Variants in ATP11C observed in about 807,000 individuals in gnomAD.
ATP11C encodes the protein phospholipid-transporting ATPase IG.
A neutral mutation model predicts 97.4 loss-of-function variants in ATP11C; 36 were observed. The observed-to-expected ratio is 0.37, with a 90% CI of 0.28 to 0.49. The LOEUF (loss-of-function observed/expected upper bound fraction) is 0.49, where lower values mean the gene tolerates loss of function less well. Ranked by LOEUF, ATP11C falls within the 20% of genes least tolerant of loss-of-function variation. The pLI is 0.98. For missense variants in ATP11C, 730 were observed against 824.6 expected (o/e 0.89, Z 1.40); for synonymous variants, 275 against 290.9 (o/e 0.95, Z 0.56).
At chrX:139,775,209 A>G (rs2082326166) in intron 18 of ATP11C, among the ~76,000 whole-genome samples, 1 of 112,173 alleles carries the variant, frequency 8.9e-6, no homozygotes, top group Admixed American at 9.4e-5. Context: ...CCAATGGCAG[A>G]ATTGAGTATC....
At chrX:139,854,836 CATT>C (rs2084064262) in intron 1 of ATP11C, among the ~76,000 whole-genome samples, 1 of 111,877 alleles carries the variant, frequency 8.9e-6, no homozygotes, top group Admixed American at 9.5e-5. Flanking sequence ...AGTTTTAAAA[CATT>C]AATTGTAAAG....
At chrX:139,811,914 G>A (rs1007772831) in intron 5 of ATP11C, among the ~76,000 whole-genome samples, 1 of 111,290 alleles carries the variant, frequency 9.0e-6, no homozygotes, top group African/African-American at 3.3e-5. Flanking sequence ...CCATATAAAT[G>A]GTGACTACTA....
chrX:139,908,728 T>C (rs1569490587), intron 1 of ATP11C, among the ~76,000 whole-genome samples: 1 of 112,250 alleles, frequency 8.9e-6, no homozygotes, highest in Non-Finnish European at 1.9e-5. Context: ...ATGCACAACC[T>C]GGCAGATTTT....
Position 139,787,181 on chromosome X carries a change from T to C in ATP11C, c.1584A>G (p.Glu528=), listed in dbSNP as rs1240057722. The change falls in exon 15 of 30, where the codon GAA becomes GAG. Residue 528 remains glutamate (E), a synonymous_variant. Coordinates refer to ENST00000682941, the MANE Select transcript of ATP11C (RefSeq NM_001353812.2). ...AACACAGAGCTACTTACTCTTCTAT[T>C]TCTTTTCTTTGGTTCTCTACTCTCA... The part of the protein sequence containing the change: ...GYMRVENQRK[E]IEEYELLHTL... The C allele has an allele frequency of 8.3e-7, 1 of 1,204,108 alleles. No individual in the cohort carries two copies. The highest frequency in any genetic ancestry group is 1.7e-5 in the African/African-American group (1 of 57,679).
intron 12 of ATP11C, among the ~76,000 whole-genome samples, chrX:139,794,371 T>C (rs1049995883): frequency 1.8e-5 from 2 of 112,489 alleles, no homozygotes; most frequent in Non-Finnish European, 3.8e-5. Flanking sequence ...ATTTTGTGTG[T>C]ACTGGTTTAC....
chrX:139,844,638 A>C (rs2083884498), intron 1 of ATP11C, among the ~76,000 whole-genome samples: 1 of 112,027 alleles, frequency 8.9e-6, no homozygotes, highest in South Asian at 3.7e-4. Context: ...ATTCTTTCCA[A>C]ATCAAATCAA....
rs1219081018 is a variant in ATP11C at position 139,830,478 on chromosome X, C to T, written c.28-3655G>A. Reference sequence around the variant, plus strand: ...CTGCTCGCAAAGTAAGATTCCCCTTCGACAATTTATTTTGCATGTGGTTAT... The same window carrying T: ...CTGCTCGCAAAGTAAGATTCCCCTTTGACAATTTATTTTGCATGTGGTTAT... On this transcript the variant is annotated intron_variant, in intron 1 of 29. Coordinates refer to ENST00000682941, the MANE Select transcript of ATP11C (RefSeq NM_001353812.2). Among the ~76,000 whole-genome samples, 4 of 111,792 alleles carry T rather than the reference C, an allele frequency of 3.6e-5. No individual in the cohort carries two copies. The Admixed American group carries it at 3.8e-4, about 11-fold the overall frequency.
rs567197055 is a variant in ATP11C at position 139,825,663 on chromosome X, G to A, written c.147+1041C>T. The stretch of plus-strand genomic sequence containing the variant: ...AAAACATGATCACTACTGTATCACC[G>A]CCCAAACAAGAAATTAAATGCATAT... On this transcript the variant is annotated intron_variant, in intron 2 of 29. Transcript: ENST00000682941. Among the ~76,000 whole-genome samples the A allele has an allele frequency of 3.2e-3, 362 of 111,938 alleles. 1 individual carries two copies. The highest frequency in any genetic ancestry group is 5.0e-3 in the Non-Finnish European group (266 of 53,176).
intron 1 of ATP11C, chrX:139,924,219 C>G (rs202116296): frequency 1.8e-5 from 7 of 381,391 alleles, no homozygotes; most frequent in African/African-American, 1.5e-4. Context: ...CTGGCTCCCC[C>G]ACTGGGTGCA....
chrX:139,839,525 A>G (rs1349435274), intron 1 of ATP11C, among the ~76,000 whole-genome samples: 1 of 111,379 alleles, frequency 9.0e-6, no homozygotes, highest in East Asian at 2.8e-4. Flanking sequence ...TGATGAGTAA[A>G]AAAGACATAG....
intron 19 of ATP11C, among the ~76,000 whole-genome samples, chrX:139,769,277 C>CATACAT (rs2082200258): frequency 2.9e-5 from 1 of 34,537 alleles, no homozygotes; most frequent in Non-Finnish European, 5.0e-5. Flanking sequence ...TTGGGGCAAA[C>CATACAT]ATACATATAT....
At chrX:139,863,458 A>C (rs1394753631) in intron 1 of ATP11C, among the ~76,000 whole-genome samples, 1 of 111,270 alleles carries the variant, frequency 9.0e-6, no homozygotes, top group East Asian at 2.8e-4. Flanking sequence ...ACTTGAACCC[A>C]GGGGGAGGAG....
At chrX:139,854,859 T>C (rs2084064683) in intron 1 of ATP11C, among the ~76,000 whole-genome samples, 2 of 112,211 alleles carry the variant, frequency 1.8e-5, no homozygotes, top group African/African-American at 3.2e-5. Context: ...GGAAACTGTA[T>C]GCAAACATAT....
intron 18 of ATP11C, among the ~76,000 whole-genome samples, chrX:139,781,967 T>C (rs28498878): frequency 0.058 from 6,470 of 110,962 alleles, 449 homozygotes; most frequent in African/African-American, 0.2. Flanking sequence ...GATAGCTTAG[T>C]AAATATTCAA....
At chrX:139,870,898 T>C (rs962038129) in intron 1 of ATP11C, among the ~76,000 whole-genome samples, 14 of 107,496 alleles carry the variant, frequency 1.3e-4, no homozygotes, top group Non-Finnish European at 2.5e-4. Context: ...CTGCTAAAAA[T>C]ACAAAAAATT....
intron 1 of ATP11C, 110 bp from the exon 2 acceptor site, chrX:139,826,933 T>C: frequency 7.4e-6 from 6 of 808,208 alleles, no homozygotes; most frequent in Non-Finnish European, 1.0e-5. Context: ...GGCGAGAAAG[T>C]AGTAGGGAGA....
intron 1 of ATP11C, among the ~76,000 whole-genome samples, chrX:139,829,609 T>C (rs1013357462): frequency 3.6e-5 from 4 of 111,683 alleles, no homozygotes; most frequent in Non-Finnish European, 7.5e-5. Context: ...GAGTCCATCC[T>C]GTGCTGAACT....
intron 2 of ATP11C, among the ~76,000 whole-genome samples, chrX:139,825,874 C>A (rs1263245268): frequency 8.9e-6 from 1 of 112,236 alleles, no homozygotes; most frequent in Non-Finnish European, 1.9e-5. Context: ...AGTAGGCCAA[C>A]CTAGCACCTA....
chrX:139,826,925 C>T (rs565453906), intron 1 of ATP11C, 102 bp from the exon 2 acceptor site: 14 of 885,315 alleles, frequency 1.6e-5, no homozygotes, highest in South Asian at 1.1e-4. Flanking sequence ...CATAATCTGG[C>T]GAGAAAGTAG....
Sources: allele counts gnomAD v4.1 joint callset (sites outside exome capture counted in the v4.1 genomes callset), GRCh38; gene constraint gnomAD v4.1.1; transcripts MANE v1.5; gene names NCBI Gene and HGNC (gene_info 2026-07-23, HGNC 2026-07-21).